TPD52L1: variants seen among roughly 807,000 people sequenced by gnomAD.
TPD52L1 encodes TPD52 like 1.
TPD52L1 carries 18 observed loss-of-function variants against 28.7 expected under a neutral mutation model. That is an observed-to-expected ratio of 0.63 (90% CI 0.43 to 0.93). The LOEUF is 0.93. TPD52L1 is among the 40% of genes least tolerant of loss of function. TPD52L1 has a pLI of 0.00. For synonymous variants in TPD52L1, 75 were observed against 88.8 expected, an observed-to-expected ratio of 0.84 and a Z score of 0.88; for missense variants, 203 against 254.8, an observed-to-expected ratio of 0.80 and a Z score of 1.39.
chr6:125,261,155 G>T (rs1798034301), intron 6 of TPD52L1: 1 of 152,046 alleles, frequency 6.6e-6, no homozygotes, highest in Non-Finnish European at 1.5e-5. Flanking sequence ...GCAACAATGT[G>T]GTTCCCAAGC....
At chr6:125,253,888 T>C in intron 5 of TPD52L1, 133 bp downstream of exon 5, 1 of 901,888 alleles carries the variant, frequency 1.1e-6, no homozygotes, top group South Asian at 1.3e-5. Context: ...AAGAAAAGGC[T>C]GACAATTCTG....
intron 3 of TPD52L1, among the ~76,000 whole-genome samples, chr6:125,233,739 G>T (rs1231944145): frequency 1.3e-5 from 2 of 152,162 alleles, no homozygotes; most frequent in Non-Finnish European, 1.5e-5. Flanking sequence ...CTAAAAAGAT[G>T]AATTTTTTAT....
At chr6:125,176,333 A>G (rs1291985829) in intron 1 of TPD52L1, among the ~76,000 whole-genome samples, 1 of 152,200 alleles carries the variant, frequency 6.6e-6, no homozygotes, top group Non-Finnish European at 1.5e-5. Flanking sequence ...AACTTGTAAA[A>G]GGCTGATTTC....
chr6:125,254,295 C>G (rs1263702858), intron 5 of TPD52L1, among the ~76,000 whole-genome samples: 1 of 152,130 alleles, frequency 6.6e-6, no homozygotes, highest in Non-Finnish European at 1.5e-5. Flanking sequence ...GTGAGAAAGA[C>G]ATTCTTAACT....
intron 4 of TPD52L1, among the ~76,000 whole-genome samples, chr6:125,249,323 A>C (rs1797112886): frequency 6.6e-6 from 1 of 151,914 alleles, no homozygotes; most frequent in African/African-American, 2.4e-5. Context: ...CTTCTTTAAA[A>C]AAAAAAAATC....
chr6:125,156,716 C>T (rs572043876), intron 1 of TPD52L1, among the ~76,000 whole-genome samples: 1 of 152,232 alleles, frequency 6.6e-6, no homozygotes, highest in South Asian at 2.1e-4. Context: ...CAGCCGTGAG[C>T]TGTGATTACA....
chr6:125,202,161 G>C (rs919304941), intron 1 of TPD52L1, among the ~76,000 whole-genome samples: 15 of 152,030 alleles, frequency 9.9e-5, no homozygotes, highest in African/African-American at 3.1e-4. Context: ...GCAAAGATTA[G>C]AGAACTGTAA....
intron 3 of TPD52L1, among the ~76,000 whole-genome samples, chr6:125,237,597 T>C (rs1221226509): frequency 6.6e-6 from 1 of 152,220 alleles, no homozygotes; most frequent in Non-Finnish European, 1.5e-5. Context: ...AGTAGAGTCC[T>C]GGATTGAGCC....
Position 125,251,569 on chromosome 6 carries a change from T to C in TPD52L1, c.387-2148T>C, listed in dbSNP as rs919258595. On this transcript the variant is annotated intron_variant, in intron 4 of 6. Transcript: ENST00000534000. ...ACCTGATTGTCATGGAATTGCCCAC[T>C]CTCTTTCTCCATCCATAAAATAACA... 1.2e-4 allele frequency among the ~76,000 whole-genome samples: 18 copies of C among 152,290 alleles called. No homozygotes were observed. The South Asian group carries it at 3.1e-3, about 26-fold the overall frequency.
intron 1 of TPD52L1, among the ~76,000 whole-genome samples, chr6:125,171,724 G>C (rs1342694386): frequency 6.6e-6 from 1 of 152,172 alleles, no homozygotes; most frequent in Non-Finnish European, 1.5e-5. Flanking sequence ...CTAGATGAGA[G>C]TGCAGTATGG....
rs1554201225 is a variant in TPD52L1, at chr6:125,165,085, G to GAT, written c.19+11128_19+11129dup. 6.8e-4 allele frequency among the ~76,000 whole-genome samples: 32 copies of GAT among 46,764 alleles called. 4 individuals are homozygous for GAT. The highest frequency in any genetic ancestry group is 4.8e-3 in the South Asian group (8 of 1,664). The allele number at this position is 46,764 out of a possible 152,430, so 30.7% of individuals were successfully genotyped here. On this transcript the variant is annotated intron_variant, in intron 1 of 6. Coordinates refer to ENST00000534000, the MANE Select transcript of TPD52L1 (RefSeq NM_003287.4). ...CAAAACCCCTGTCTCTTAAAAAAAA[G>GAT]ATATATATATATATTTTAACTGTAT... is the stretch of plus-strand genomic sequence containing the variant.
At chr6:125,168,706 T>C (rs111629342) in intron 1 of TPD52L1, among the ~76,000 whole-genome samples, 1,949 of 152,010 alleles carry the variant, frequency 0.013, 42 homozygotes, top group African/African-American at 0.045. Flanking sequence ...TTAGTAGAGA[T>C]GGGGTTTCAC....
intron 1 of TPD52L1, among the ~76,000 whole-genome samples, chr6:125,168,604 G>A (rs1439648266): frequency 2.7e-5 from 4 of 150,354 alleles, no homozygotes; most frequent in African/African-American, 4.9e-5. Flanking sequence ...TGCAAGCTCC[G>A]CCTCCCTGGT....
At chr6:125,248,571 AG>A in intron 4 of TPD52L1, 188 bp downstream of exon 4, 2 of 555,312 alleles carry the variant, frequency 3.6e-6, no homozygotes, top group Non-Finnish European at 6.4e-6. Context: ...CCTGAAGGTC[AG>A]GCTTAGGTGG....
At chr6:125,179,957 A>C (rs1792078819) in intron 1 of TPD52L1, among the ~76,000 whole-genome samples, 1 of 152,150 alleles carries the variant, frequency 6.6e-6, no homozygotes, top group African/African-American at 2.4e-5. Context: ...CAATCTTGTT[A>C]AGGGAGGGTG....
At chr6:125,261,316 T>C (rs1798044459) in intron 6 of TPD52L1, 1 of 152,170 alleles carries the variant, frequency 6.6e-6, no homozygotes, top group Non-Finnish European at 1.5e-5. Context: ...GGAACTGCTT[T>C]TGAACCCTGG....
chr6:125,208,782 A>G, intron 1 of TPD52L1: 1 of 287,720 alleles, frequency 3.5e-6, no homozygotes, highest in Non-Finnish European at 5.2e-6. Flanking sequence ...CCGGGAGAAA[A>G]AGTAGCAAAT....
intron 5 of TPD52L1, among the ~76,000 whole-genome samples, chr6:125,255,207 T>C (rs1797524314): frequency 6.6e-6 from 1 of 152,206 alleles, no homozygotes; most frequent in African/African-American, 2.4e-5. Context: ...GGGTCAAATG[T>C]AGTCTGCATG....
intron 3 of TPD52L1, among the ~76,000 whole-genome samples, chr6:125,232,366 C>T (rs2114994879): frequency 6.6e-6 from 1 of 152,232 alleles, no homozygotes; most frequent in East Asian, 1.9e-4. Context: ...GGATCTTAAT[C>T]ATATGTTTGG....
Sources: allele counts gnomAD v4.1 joint callset (sites outside exome capture counted in the v4.1 genomes callset), GRCh38; gene constraint gnomAD v4.1.1; transcripts MANE v1.5; gene names NCBI Gene and HGNC (gene_info 2026-07-23, HGNC 2026-07-21).